Variants in ADAM10 observed in about 807,000 individuals in gnomAD.
ADAM10 encodes the protein ADAM metallopeptidase domain 10.
In ADAM10, 17 loss-of-function variants were observed where a neutral mutation model predicts 90.1. That is an observed-to-expected ratio of 0.19 (90% CI 0.13 to 0.28). The LOEUF (loss-of-function observed/expected upper bound fraction) is 0.28, where lower values mean the gene tolerates loss of function less well. Ranked by LOEUF, ADAM10 falls within the 10% of genes least tolerant of loss-of-function variation. ADAM10 has a pLI of 1.00. For synonymous variants in ADAM10, 310 were observed against 298.6 expected (o/e 1.04, Z -0.40); for missense variants, 610 against 914.3 (o/e 0.67, Z 4.29).
In ADAM10 at chr15:58,691,676, C is replaced by CTTCTT. The variant is rs746349800; in HGVS notation, c.207-9363_207-9362insAAGAA. ...AGCTAAGCTCAAGCCACTTCTTCTT[C>CTTCTT]TTTTTTTTTTTTTTTTTTTTTTTTT... On this transcript the variant is annotated intron_variant, in intron 2 of 15. Transcript: ENST00000260408. 1.4e-3 allele frequency: 315 copies of CTTCTT among 231,918 alleles called. 5 individuals are homozygous for CTTCTT. The highest frequency in any genetic ancestry group is 0.013 in the African/African-American group (294 of 22,516). The allele number at this position is 231,918 out of a possible 1,614,324, so 14.4% of individuals were successfully genotyped here.
chr15:58,692,380 T>C (rs767916813), intron 2 of ADAM10: 2 of 590,684 alleles, frequency 3.4e-6, no homozygotes, highest in Non-Finnish European at 3.4e-6. Context: ...CCGATCAGTG[T>C]ATTTCTCCTT....
intron 1 of ADAM10, among the ~76,000 whole-genome samples, chr15:58,746,725 A>T (rs750620179): frequency 2.0e-5 from 3 of 152,346 alleles, no homozygotes; most frequent in East Asian, 1.9e-4. Flanking sequence ...AGCCTGGGCA[A>T]CGTATTAAGA....
intron 10 of ADAM10, among the ~76,000 whole-genome samples, chr15:58,622,141 T>A: frequency 6.6e-6 from 1 of 152,172 alleles, no homozygotes; most frequent in East Asian, 1.9e-4. Flanking sequence ...TTTTCTGGAG[T>A]ATTTTAAAAC....
chr15:58,679,350 ATGTATATATGTG>A, intron 3 of ADAM10, 68 bp from the exon 4 acceptor site: 1 of 1,369,326 alleles, frequency 7.3e-7, no homozygotes, highest in Non-Finnish European at 1.0e-6. Flanking sequence ...ATTCATATAT[ATGTATATATGTG>A]TGTATATATA....
chr15:58,721,923 G>A (rs561990215), intron 1 of ADAM10, among the ~76,000 whole-genome samples: 158 of 151,986 alleles, frequency 1.0e-3, no homozygotes, highest in African/African-American at 3.5e-3. Flanking sequence ...AGCTACTCGG[G>A]AGGCTGAGGC....
rs545789265 is a variant in ADAM10, at chr15:58,646,859, A to G, written c.586-655T>C. Among the ~76,000 whole-genome samples the G allele has an allele frequency of 3.3e-5, 5 of 152,240 alleles. No homozygotes were observed. In the East Asian group the frequency reaches 9.7e-4, roughly 29 times the overall value. ...AACTATCCAGCTTTTCTCATTCCACATTACTTCACAAAGAGACCCTACATT... is the reference window on the plus strand; with the variant it reads ...AACTATCCAGCTTTTCTCATTCCACGTTACTTCACAAAGAGACCCTACATT... On this transcript the variant is annotated intron_variant, in intron 5 of 15. Coordinates refer to ENST00000260408, the MANE Select transcript of ADAM10 (RefSeq NM_001110.4).
chr15:58,606,555 T>TA (rs1459845576), intron 14 of ADAM10, among the ~76,000 whole-genome samples: 1 of 152,238 alleles, frequency 6.6e-6, no homozygotes, highest in Non-Finnish European at 1.5e-5. Context: ...TCTTTGTTGT[T>TA]AAAGTTTCAT....
intron 5 of ADAM10, among the ~76,000 whole-genome samples, chr15:58,654,090 CT>C (rs1194970388): frequency 3.9e-4 from 58 of 148,338 alleles, no homozygotes; most frequent in East Asian, 3.0e-3. Context: ...TTATTTAGGT[CT>C]TTTTTTTTTC....
chr15:58,710,446 TTCAG>T (rs1291914249), intron 2 of ADAM10, among the ~76,000 whole-genome samples: 1 of 152,190 alleles, frequency 6.6e-6, no homozygotes, highest in Non-Finnish European at 1.5e-5. Flanking sequence ...TTCCTTATGC[TTCAG>T]TAAGTAATTC....
At chr15:58,619,509 T>C (rs149385587) in intron 11 of ADAM10, among the ~76,000 whole-genome samples, 1 of 152,320 alleles carries the variant, frequency 6.6e-6, no homozygotes, top group African/African-American at 2.4e-5. Flanking sequence ...TCTGAGGAGA[T>C]AAATATCCTT....
At chr15:58,647,080 C>CT (rs1896564837) in intron 5 of ADAM10, among the ~76,000 whole-genome samples, 1 of 152,024 alleles carries the variant, frequency 6.6e-6, no homozygotes, top group Non-Finnish European at 1.5e-5. Flanking sequence ...ACCAATGTCT[C>CT]TTACATAGTG....
At chr15:58,702,687 T>A (rs77223332) in intron 2 of ADAM10, among the ~76,000 whole-genome samples, 1 of 152,204 alleles carries the variant, frequency 6.6e-6, no homozygotes, top group Admixed American at 6.5e-5. Flanking sequence ...AAACCACATA[T>A]AAAATCAGTT....
intron 14 of ADAM10, among the ~76,000 whole-genome samples, chr15:58,606,734 C>A (rs1391708002): frequency 6.6e-6 from 1 of 152,178 alleles, no homozygotes; most frequent in African/African-American, 2.4e-5. Flanking sequence ...CGCACCATCA[C>A]CTACTGACTC....
At chr15:58,672,981 C>G (rs1897233456) in intron 4 of ADAM10, 1 of 212,840 alleles carries the variant, frequency 4.7e-6, no homozygotes, top group East Asian at 1.1e-4. Context: ...ATTTAGCACC[C>G]CTGTACACAA....
At chr15:58,708,634 A>C (rs1419479437) in intron 2 of ADAM10, among the ~76,000 whole-genome samples, 1 of 152,228 alleles carries the variant, frequency 6.6e-6, no homozygotes, top group East Asian at 1.9e-4. Flanking sequence ...CCTGTCATTC[A>C]TTCCATCCTA....
chr15:58,691,801 GC>G (rs1391883165), intron 2 of ADAM10, among the ~76,000 whole-genome samples: 2 of 147,954 alleles, frequency 1.4e-5, no homozygotes, highest in African/African-American at 5.0e-5. Flanking sequence ...TCCTGCCTCA[GC>G]CTCCCAAGTA....
In ADAM10 at chr15:58,602,956, T is replaced by A. The variant is rs1333226804; in HGVS notation, c.2026-3232A>T. Among the ~76,000 whole-genome samples the A allele has an allele frequency of 1.3e-5, 2 of 152,224 alleles. 1 individual carries two copies. Among genetic ancestry groups the A allele is most frequent in the Non-Finnish European group, 2.9e-5 (2 of 68,042 alleles). Reference sequence around the variant, plus strand: ...TCCGAATTTTTATTTAAAATCTATTTTTAAATGCTGGCAAACTTGTGAGAA... The same window carrying A: ...TCCGAATTTTTATTTAAAATCTATTATTAAATGCTGGCAAACTTGTGAGAA... On this transcript the variant is annotated intron_variant, in intron 14 of 15. Coordinates refer to ENST00000260408, the MANE Select transcript of ADAM10 (RefSeq NM_001110.4).
rs202100489 is a variant in ADAM10 at position 58,610,987 on chromosome 15, T to C, written c.1804+12A>G. On this transcript the variant is annotated intron_variant, in intron 13 of 15. Coordinates refer to ENST00000260408, the MANE Select transcript of ADAM10 (RefSeq NM_001110.4). The stretch of plus-strand genomic sequence containing the variant: ...GGCAAATTTTATACTCTTGTGTTTT[T>C]AAAAGCCTTACTTTTCTTCATACAG... 1.2e-6 allele frequency: 2 copies of C among 1,600,028 alleles called. No homozygotes were observed. The highest frequency in any genetic ancestry group is 1.7e-6 in the Non-Finnish European group (2 of 1,167,262).
chr15:58,671,688 C>T (rs1897197105), intron 4 of ADAM10, among the ~76,000 whole-genome samples: 1 of 152,166 alleles, frequency 6.6e-6, no homozygotes. Context: ...AGCCTGGCAA[C>T]ACAGTGAGAC....
Sources: gnomAD v4.1 joint callset for allele counts (sites outside exome capture counted in the v4.1 genomes callset) on GRCh38, gnomAD v4.1.1 for gene constraint, MANE v1.5 for transcripts, NCBI Gene and HGNC (gene_info 2026-07-23, HGNC 2026-07-21) for gene names.